Variants in TSPAN11 observed in about 807,000 individuals in gnomAD.
The protein encoded by TSPAN11 is tetraspanin 11, also known as tetraspanin-11.
TSPAN11 carries 29 observed loss-of-function variants against 32.9 expected under a neutral mutation model. The observed-to-expected ratio is 0.88, with a 90% CI of 0.66 to 1.20. The LOEUF (loss-of-function observed/expected upper bound fraction) is 1.20. Among genes scored for constraint, TSPAN11 ranks in the 50% most tolerant of loss-of-function variants. The probability of loss-of-function intolerance (pLI) is 0.00; values close to 1 mark genes in which losing one functional copy is unlikely to be tolerated. For synonymous variants in TSPAN11, 140 were observed against 141.3 expected (o/e 0.99, Z 0.07); for missense variants, 283 against 329.1 (o/e 0.86, Z 1.08).
chr12:31,014,506 A>C, the TSPAN11 span, among the ~76,000 whole-genome samples: 1 of 152,230 alleles, frequency 6.6e-6, no homozygotes, highest in Non-Finnish European at 1.5e-5. Context: ...GATCAAGCCG[A>C]AACTTGAACC....
At chr12:30,944,823 T>G (rs1773849854) in intron 1 of TSPAN11, among the ~76,000 whole-genome samples, 1 of 152,212 alleles carries the variant, frequency 6.6e-6, no homozygotes, top group Non-Finnish European at 1.5e-5. Context: ...CCCCTGAGTA[T>G]GGGGTGCTCC....
intron 3 of TSPAN11, among the ~76,000 whole-genome samples, chr12:30,973,284 G>A: frequency 6.6e-6 from 1 of 152,174 alleles, no homozygotes; most frequent in East Asian, 1.9e-4. Flanking sequence ...GCAATGTGAT[G>A]AGCAATGCTA....
At chr12:31,002,393 G>T in the TSPAN11 span, among the ~76,000 whole-genome samples, 1 of 152,184 alleles carries the variant, frequency 6.6e-6, no homozygotes, top group East Asian at 1.9e-4. This position sits in a 1 kb window ranked among gnomAD's most constrained non-coding sequence, Gnocchi z 4.8. Flanking sequence ...GGGACATAGG[G>T]TTTAGCAATG....
chr12:30,969,947 C>G (rs1009835992), intron 3 of TSPAN11, among the ~76,000 whole-genome samples: 1 of 152,164 alleles, frequency 6.6e-6, no homozygotes, highest in East Asian at 1.9e-4. Flanking sequence ...AGGCTCTGAC[C>G]TCTCTGGGCT....
chr12:30,928,771 A>T (rs1224581337), intron 1 of TSPAN11, among the ~76,000 whole-genome samples: 1 of 152,046 alleles, frequency 6.6e-6, no homozygotes, highest in African/African-American at 2.4e-5. Flanking sequence ...TTCCTCAGAG[A>T]GGCCTTTCCT....
At chr12:30,998,599 G>A (rs1939447232), downstream of TSPAN11, among the ~76,000 whole-genome samples, 1 of 152,206 alleles carries the variant, frequency 6.6e-6, no homozygotes, top group African/African-American at 2.4e-5. Flanking sequence ...GGCACCTGGT[G>A]GGGGCCTTTG....
At chr12:30,944,924 ATAGGATCC>A (rs1335297778) in intron 1 of TSPAN11, among the ~76,000 whole-genome samples, 2 of 152,162 alleles carry the variant, frequency 1.3e-5, no homozygotes, top group African/African-American at 4.8e-5. Context: ...TAAAAAGCTG[ATAGGATCC>A]TAAGAGTAGA....
intron 1 of TSPAN11, among the ~76,000 whole-genome samples, chr12:30,932,080 T>C (rs148327620): frequency 1.1e-4 from 16 of 150,284 alleles, no homozygotes; most frequent in African/African-American, 3.4e-4. Context: ...CAGAGCCAGA[T>C]AGGTAATTTG....
intron 1 of TSPAN11, among the ~76,000 whole-genome samples, chr12:30,948,924 T>C (rs1938323224): frequency 6.6e-6 from 1 of 152,230 alleles, no homozygotes; most frequent in Non-Finnish European, 1.5e-5. Flanking sequence ...CCAAGTCATC[T>C]CTTGAATGCT....
chr12:30,985,790 C>T (rs1565804614), intron 7 of TSPAN11, among the ~76,000 whole-genome samples: 3 of 152,236 alleles, frequency 2.0e-5, no homozygotes, highest in African/African-American at 7.2e-5. Context: ...CAAGGTAAAC[C>T]GCACAGCTGC....
rs1008398689 is a variant in TSPAN11, at chr12:30,992,329, C to T, written c.*414C>T. 1 of 235,104 alleles carries T rather than the reference C, an allele frequency of 4.3e-6. No homozygotes were observed. The highest frequency in any genetic ancestry group is 8.6e-6 in the Non-Finnish European group (1 of 116,466). 14.6% of individuals were successfully genotyped at this position (235,104 alleles called of 1,614,324 possible). A position where few individuals can be genotyped will look rare whatever the true frequency, so the allele number is the denominator to read the frequency against. On this transcript the variant is annotated 3_prime_UTR_variant, in exon 8 of 8. Transcript: ENST00000546076. ...TCAGCACGGGATTCCCCCACCCATG[C>T]CCAGAAGCCCTGACCTTGCTGTTTC...
At chr12:30,933,352 C>G (rs1937973693) in intron 1 of TSPAN11, among the ~76,000 whole-genome samples, 1 of 152,248 alleles carries the variant, frequency 6.6e-6, no homozygotes, top group African/African-American at 2.4e-5. Flanking sequence ...AACCAGGACA[C>G]TGGCTCAGAT....
intron 7 of TSPAN11, among the ~76,000 whole-genome samples, chr12:30,988,747 ATCT>A (rs1365629454): frequency 2.0e-5 from 3 of 152,126 alleles, no homozygotes; most frequent in Admixed American, 6.5e-5. Context: ...CCCCGGGCTC[ATCT>A]TATTCATGCA....
chr12:31,010,026 C>T, the TSPAN11 span, among the ~76,000 whole-genome samples: 10 of 152,172 alleles, frequency 6.6e-5, no homozygotes, highest in Non-Finnish European at 1.3e-4. Context: ...GTGACTTGCC[C>T]GCAGAGCTAG....
In TSPAN11 at chr12:30,957,446, G is replaced by A. The variant is rs76988795; in HGVS notation, c.84+3371G>A. ...CCCAGACACCAATGACTTGCTTCCC[G>A]GCCAAGCAGCTTCATTGTGGGTCAG... On this transcript the variant is annotated intron_variant, in intron 2 of 7. Transcript: ENST00000546076. Among the ~76,000 whole-genome samples, 316 of 152,188 alleles carry A rather than the reference G, an allele frequency of 2.1e-3. 5 individuals carry two copies. In the East Asian group the frequency reaches 0.041, roughly 20 times the overall value.
intron 3 of TSPAN11, among the ~76,000 whole-genome samples, chr12:30,972,723 A>G (rs1029645573): frequency 6.7e-6 from 1 of 150,310 alleles, no homozygotes; most frequent in Non-Finnish European, 1.5e-5. Context: ...ACCCAGGATG[A>G]GCCAAGGGGT....
rs368187192 is a variant in TSPAN11, at chr12:30,975,144, G to A, written c.277-3417G>A. Among the ~76,000 whole-genome samples, 5 of 152,216 alleles carry A rather than the reference G, an allele frequency of 3.3e-5. No individual in the cohort carries two copies. The highest frequency in any genetic ancestry group is 2.1e-4 in the South Asian group (1 of 4,836). On this transcript the variant is annotated intron_variant, in intron 3 of 7. Transcript: ENST00000546076. This position sits in a 1 kb window ranked among gnomAD's most constrained non-coding sequence, Gnocchi z 4.5. ...TTTGCACACAGAGCCAGCGTGTGCC[G>A]CAGGGGCCCTGAGATGATCGCGCCG...
chr12:30,942,287 C>T (rs1005955662), intron 1 of TSPAN11, among the ~76,000 whole-genome samples: 2 of 152,176 alleles, frequency 1.3e-5, no homozygotes, highest in African/African-American at 4.8e-5. Context: ...TCACAGCCAC[C>T]ATGCAAGGGA....
Position 30,993,475 on chromosome 12 carries a change from GC to G in TSPAN11, c.*1563del, listed in dbSNP as rs1345510821. On this transcript the variant is annotated 3_prime_UTR_variant, in exon 8 of 8. Transcript: ENST00000546076. ...GAAGTACCCACATGGACAGAGGGAA[GC>G]CCAGCCTCGGGGCCGGTTGCCTCCT... The G allele has an allele frequency of 6.6e-6, 1 of 152,334 alleles. No individual in the cohort carries two copies. The highest frequency in any genetic ancestry group is 1.5e-5 in the Non-Finnish European group (1 of 68,116). 9.4% of individuals were successfully genotyped at this position (152,334 alleles called of 1,614,324 possible).
Sources: gnomAD v4.1 joint callset for allele counts (sites outside exome capture counted in the v4.1 genomes callset) on GRCh38, gnomAD v4.1.1 for gene constraint, Gnocchi (gnomAD v3.1) non-coding constraint, MANE v1.5 for transcripts, NCBI Gene and HGNC (gene_info 2026-07-23, HGNC 2026-07-21) for gene names.